PREX1: variants seen among roughly 807,000 people sequenced by gnomAD.
The protein encoded by PREX1 is phosphatidylinositol-3,4,5-trisphosphate dependent Rac exchange factor 1.
In PREX1, 41 loss-of-function variants were observed where a neutral mutation model predicts 198.3. The ratio of observed to expected loss-of-function variants is 0.21; its 90% CI spans 0.16 to 0.27. PREX1 has a LOEUF of 0.27. Ranked by LOEUF, PREX1 falls within the 10% of genes least tolerant of loss-of-function variation. The pLI is 1.00. For synonymous variants in PREX1, 843 were observed against 887.2 expected, an observed-to-expected ratio of 0.95 and a Z score of 0.89; for missense variants, 1,620 against 2,200.7, an observed-to-expected ratio of 0.74 and a Z score of 5.28.
intron 1 of PREX1, among the ~76,000 whole-genome samples, chr20:48,748,534 G>A (rs373484132): frequency 7.3e-5 from 11 of 151,548 alleles, no homozygotes; most frequent in African/African-American, 2.4e-4. Context: ...TGGATGACCC[G>A]CACCTGGATT....
chr20:48,833,463 A>C, the PREX1 span, among the ~76,000 whole-genome samples: 1 of 131,930 alleles, frequency 7.6e-6, no homozygotes, highest in African/African-American at 2.9e-5. Context: ...TTTTTTTGAG[A>C]TGGAGTCTCA....
At chr20:48,823,030 G>A (rs1022469207) in intron 1 of PREX1, among the ~76,000 whole-genome samples, 1 of 152,138 alleles carries the variant, frequency 6.6e-6, no homozygotes, top group African/African-American at 2.4e-5. Context: ...ACAGTTTCTT[G>A]TTTGGCAAGC....
At chr20:48,877,133 G>A in the PREX1 span, among the ~76,000 whole-genome samples, 4 of 152,036 alleles carry the variant, frequency 2.6e-5, no homozygotes, top group East Asian at 5.8e-4. Flanking sequence ...GCCAGGCGTG[G>A]TGATTCACAT....
intron 6 of PREX1, among the ~76,000 whole-genome samples, chr20:48,704,507 T>C (rs6095249): frequency 0.067 from 10,261 of 152,040 alleles, 407 homozygotes; most frequent in South Asian, 0.14. Flanking sequence ...AGCCAGAAAA[T>C]GGAGTGCCTT....
intron 1 of PREX1, among the ~76,000 whole-genome samples, chr20:48,761,691 G>A (rs969496605): frequency 6.6e-6 from 1 of 152,096 alleles, no homozygotes; most frequent in African/African-American, 2.4e-5. Context: ...GCTGGGGCCT[G>A]GCCTACAAAC....
intron 11 of PREX1, among the ~76,000 whole-genome samples, chr20:48,680,185 C>A (rs2089740086): frequency 6.6e-6 from 1 of 152,218 alleles, no homozygotes; most frequent in Admixed American, 6.5e-5. Flanking sequence ...CTCTATCCCA[C>A]AAAGTCATGC....
At chr20:48,693,808 CTG>C (rs2089831907) in intron 7 of PREX1, among the ~76,000 whole-genome samples, 1 of 151,788 alleles carries the variant, frequency 6.6e-6, no homozygotes, top group Non-Finnish European at 1.5e-5. Context: ...CAGGGTTTCA[CTG>C]TGTTAGCCAG....
chr20:48,880,722 C>T, the PREX1 span, among the ~76,000 whole-genome samples: 8 of 151,962 alleles, frequency 5.3e-5, no homozygotes, highest in Non-Finnish European at 8.8e-5. Flanking sequence ...TGCCTGATGC[C>T]ACCCCAAATA....
At chr20:48,661,444 A>AAAAAAAATATATATAT (rs1555832820) in intron 15 of PREX1, among the ~76,000 whole-genome samples, 2 of 49,600 alleles carry the variant, frequency 4.0e-5, no homozygotes, top group Non-Finnish European at 6.2e-5. Flanking sequence ...AAAAAAAAAA[A>AAAAAAAATATATATAT]ATATATATAT....
intron 1 of PREX1, among the ~76,000 whole-genome samples, chr20:48,783,886 C>T (rs565811922): frequency 2.0e-5 from 3 of 152,318 alleles, no homozygotes; most frequent in African/African-American, 7.2e-5. Context: ...GCTCAAACAG[C>T]TCACCTGCTA....
intron 33 of PREX1, among the ~76,000 whole-genome samples, chr20:48,633,874 G>A (rs1179660892): frequency 2.0e-5 from 3 of 152,230 alleles, no homozygotes; most frequent in African/African-American, 7.2e-5. Flanking sequence ...ATGAGCTCCA[G>A]GAGGGTAGGA....
In PREX1 at chr20:48,661,554, T is replaced by C. The variant is rs1291544099; in HGVS notation, c.1739-1493A>G. ...GTGTGTGTGTGTGTGTATATATATA[T>C]ATACACACACACACACACACTGACC... On this transcript the variant is annotated intron_variant, in intron 15 of 39. Coordinates refer to ENST00000371941, the MANE Select transcript of PREX1 (RefSeq NM_020820.4). Among the ~76,000 whole-genome samples, 1,019 of 136,526 alleles carry C rather than the reference T, an allele frequency of 7.5e-3. 12 individuals are homozygous for C. The highest frequency in any genetic ancestry group is 0.027 in the African/African-American group (947 of 35,486). 89.6% of individuals were successfully genotyped at this position (136,526 alleles called of 152,430 possible).
intron 15 of PREX1, among the ~76,000 whole-genome samples, chr20:48,660,708 T>C (rs2089584365): frequency 6.6e-6 from 1 of 152,158 alleles, no homozygotes; most frequent in Non-Finnish European, 1.5e-5. Flanking sequence ...GATGTGAAGG[T>C]AACTATAGTG....
At chr20:48,683,454 C>A (rs576493139) in intron 10 of PREX1, among the ~76,000 whole-genome samples, 1 of 152,350 alleles carries the variant, frequency 6.6e-6, no homozygotes, top group East Asian at 1.9e-4. Context: ...TGGGAAGTGG[C>A]TCACTCAGTC....
chr20:48,767,999 T>G (rs2090217099), intron 1 of PREX1, among the ~76,000 whole-genome samples: 1 of 152,224 alleles, frequency 6.6e-6, no homozygotes, highest in South Asian at 2.1e-4. Flanking sequence ...CTCTGCGCAC[T>G]GCCAGCTCCG....
intron 6 of PREX1, among the ~76,000 whole-genome samples, chr20:48,703,579 C>T (rs1601086814): frequency 6.6e-6 from 1 of 152,234 alleles, no homozygotes; most frequent in African/African-American, 2.4e-5. Flanking sequence ...TTCCTTTTGC[C>T]TTGGCTCCCT....
chr20:48,784,590 C>T (rs1035692249), intron 1 of PREX1, among the ~76,000 whole-genome samples: 1 of 152,216 alleles, frequency 6.6e-6, no homozygotes, highest in Non-Finnish European at 1.5e-5. Flanking sequence ...CCGTCCTGAT[C>T]TGCACACTGC....
rs138988694 is a variant in PREX1, at chr20:48,651,556, C to T, written c.2495G>A (p.Arg832Gln). 14 of 1,613,806 alleles carry T rather than the reference C, an allele frequency of 8.7e-6. No homozygotes were observed. In the Admixed American group the frequency reaches 1.0e-4, roughly 12 times the overall value. Residue 832 changes from arginine to glutamine, a missense_variant, in exon 22 of 40, where the codon CGG becomes CAG. Arg to Gln is a conservative substitution (Grantham distance 43, BLOSUM62 1). Around this residue, in one of 7 missense-constraint regions of PREX1, gnomAD observed 514 missense variants for 611.6 expected, o/e 0.84. Coordinates refer to ENST00000371941, the MANE Select transcript of PREX1 (RefSeq NM_020820.4). ...GGGGCTGTCCTCACACAGGCTCAGC[C>T]GGGGACCCAGGGACAGCAGTGGGAA... ...SAFPLLSLGP[R>Q]LSLCEDSPMV...
intron 1 of PREX1, among the ~76,000 whole-genome samples, chr20:48,762,204 T>C (rs2090183678): frequency 6.6e-6 from 1 of 152,218 alleles, no homozygotes; most frequent in African/African-American, 2.4e-5. Flanking sequence ...TTGTCAGAAA[T>C]GGTCTAAAAT....
Sources: gnomAD v4.1 joint callset for allele counts (sites outside exome capture counted in the v4.1 genomes callset) on GRCh38, gnomAD v4.1.1 for gene constraint, gnomAD v4.1.1 regional missense constraint, MANE v1.5 for transcripts, NCBI Gene and HGNC (gene_info 2026-07-23, HGNC 2026-07-21) for gene names.